Variants in SCAPER observed in about 807,000 individuals in gnomAD.
SCAPER encodes the protein S-phase cyclin A associated protein in the ER, also known as S phase cyclin A-associated protein in the endoplasmic reticulum.
SCAPER carries 98 observed loss-of-function variants against 182.2 expected under a neutral mutation model. The observed-to-expected ratio is 0.54, with a 90% CI of 0.46 to 0.64. The LOEUF is 0.64. Among genes scored for constraint, SCAPER ranks in the 30% least tolerant of loss-of-function variants. The pLI is 0.00. For missense variants in SCAPER, 1,432 were observed against 1,690.0 expected (o/e 0.85, Z 2.68); for synonymous variants, 605 against 564.6 (o/e 1.07, Z -1.01).
rs1272320968 is a variant in SCAPER at position 76,771,757 on chromosome 15, A to G, written c.1233T>C (p.Pro411=). The G allele has an allele frequency of 9.9e-6, 16 of 1,612,546 alleles. No individual in the cohort carries two copies. Among genetic ancestry groups the G allele is most frequent in the Non-Finnish European group, 1.4e-5 (16 of 1,179,114 alleles). The change falls in exon 10 of 32, where the codon CCT becomes CCC. Residue 411 remains proline, a synonymous_variant. Transcript: ENST00000563290. ...EKARIENEMD[P]SDISNSMAEV... is the part of the protein sequence containing the mutation. Reference sequence around the variant, plus strand: ...CAGCACTCACATTTGAAATATCTGAAGGGTCCATTTCATTTTCTATCCTTG... The same window carrying G: ...CAGCACTCACATTTGAAATATCTGAGGGGTCCATTTCATTTTCTATCCTTG...
At position 76,471,283 on chromosome 15, in the gene SCAPER, C is replaced by T; in HGVS notation, c.3007G>A (p.Glu1003Lys). Residue 1003 changes from glutamate (E) to lysine (K), a missense_variant, in exon 25 of 32, where the codon GAA becomes AAA. Glu to Lys is a moderately conservative substitution (Grantham distance 56, BLOSUM62 1). Around this residue, in one of 5 missense-constraint regions of SCAPER, gnomAD observed 718 missense variants for 799.7 expected, o/e 0.90. Coordinates refer to ENST00000563290, the MANE Select transcript of SCAPER (RefSeq NM_020843.4). ...VYNLTCNNCSENCSDVLFSNK... is the reference protein window; with the variant it reads ...VYNLTCNNCSKNCSDVLFSNK... ...CTAAACAGAACATCACTGCAGTTTT[C>T]TGAACAGTTATTGCAGGTGAGGTTG... The T allele has an allele frequency of 6.2e-7, 1 of 1,612,474 alleles. No individual in the cohort carries two copies. Among genetic ancestry groups the T allele is most frequent in the Non-Finnish European group, 8.5e-7 (1 of 1,179,126 alleles).
In SCAPER at chr15:76,677,022, CT is replaced by C. The variant is rs561412153; in HGVS notation, c.2509-11234del. On this transcript the variant is annotated intron_variant, in intron 20 of 31. Transcript: ENST00000563290. Reference sequence around the variant, plus strand: ...TATCTGTTGTATAGACATCACTTATCTTTTTGTATCTATTCTCAAAGCTAAT... The same window carrying C: ...TATCTGTTGTATAGACATCACTTATCTTTTGTATCTATTCTCAAAGCTAAT... Among the ~76,000 whole-genome samples the C allele has an allele frequency of 1.0e-3, 152 of 152,092 alleles. 2 individuals carry two copies. Among genetic ancestry groups the C allele is most frequent in the African/African-American group, 3.6e-3 (149 of 41,518 alleles).
At chr15:76,883,446 C>T (rs937305879) in intron 2 of SCAPER, among the ~76,000 whole-genome samples, 4 of 152,196 alleles carry the variant, frequency 2.6e-5, no homozygotes, top group African/African-American at 9.6e-5. Context: ...CAACTTCTAC[C>T]CTACCTAGCC....
intron 15 of SCAPER, among the ~76,000 whole-genome samples, chr15:76,739,896 G>A (rs2061456873): frequency 6.6e-6 from 1 of 152,238 alleles, no homozygotes; most frequent in African/African-American, 2.4e-5. Context: ...GCCAGGCACA[G>A]CTGCTCACAT....
intron 22 of SCAPER, among the ~76,000 whole-genome samples, chr15:76,612,286 G>A (rs1303449003): frequency 6.6e-6 from 1 of 152,114 alleles, no homozygotes; most frequent in East Asian, 1.9e-4. Context: ...TGCCCAGGCT[G>A]GGGTGCAGTA....
At chr15:76,373,040 C>CTTTT (rs60225060) in intron 29 of SCAPER, among the ~76,000 whole-genome samples, 7 of 148,188 alleles carry the variant, frequency 4.7e-5, no homozygotes, top group African/African-American at 7.5e-5. Context: ...TTTCCTTTTT[C>CTTTT]TTTCTTTCTT....
chr15:76,841,458 C>T (rs575618407), intron 5 of SCAPER, among the ~76,000 whole-genome samples: 1 of 152,200 alleles, frequency 6.6e-6, no homozygotes, highest in African/African-American at 2.4e-5. Flanking sequence ...ACCAGCTTGA[C>T]TAACACAGCA....
intron 5 of SCAPER, among the ~76,000 whole-genome samples, chr15:76,833,705 G>A (rs2068703622): frequency 6.6e-6 from 1 of 152,134 alleles, no homozygotes; most frequent in South Asian, 2.1e-4. Context: ...AAAAACAGGA[G>A]TTGTCGTTAT....
intron 8 of SCAPER, among the ~76,000 whole-genome samples, chr15:76,785,704 A>T (rs1200094866): frequency 6.6e-6 from 1 of 152,228 alleles, no homozygotes; most frequent in Non-Finnish European, 1.5e-5. Context: ...GCCATAAAAA[A>T]GGATGAGTTC....
At chr15:76,607,176 A>G (rs2050500648) in intron 22 of SCAPER, among the ~76,000 whole-genome samples, 1 of 152,142 alleles carries the variant, frequency 6.6e-6, no homozygotes, top group African/African-American at 2.4e-5. Context: ...TTCCATGTTT[A>G]GTGCTTCCTT....
At chr15:76,774,215 C>T (rs1199484329) in intron 9 of SCAPER, among the ~76,000 whole-genome samples, 1 of 151,660 alleles carries the variant, frequency 6.6e-6, no homozygotes, top group Non-Finnish European at 1.5e-5. Context: ...TCACTTTATT[C>T]CTACCAAAAA....
rs1205454121 is a variant in SCAPER, at chr15:76,667,644, A to AC, written c.2509-1856_2509-1855insG. 2.0e-3 allele frequency among the ~76,000 whole-genome samples: 219 copies of AC among 109,468 alleles called. 5 individuals are homozygous for AC. The highest frequency in any genetic ancestry group is 8.9e-3 in the African/African-American group (210 of 23,564). The allele number at this position is 109,468 out of a possible 152,430, so 71.8% of individuals were successfully genotyped here. ...CAGTCTCAAAAAAAAAAAAAAAAAA[A>AC]AAAAAAAAAAAAAAAAAACGCTCCT... On this transcript the variant is annotated intron_variant, in intron 20 of 31. Coordinates refer to ENST00000563290, the MANE Select transcript of SCAPER (RefSeq NM_020843.4).
chr15:76,574,362 A>C (rs2145381119), intron 22 of SCAPER, 78 bp from the exon 23 acceptor site: 2 of 1,490,038 alleles, frequency 1.3e-6, no homozygotes, highest in Non-Finnish European at 1.8e-6. Flanking sequence ...ACTTTGAAAC[A>C]CAAGTTACTT....
chr15:76,790,073 T>TA (rs1260597570), intron 8 of SCAPER, among the ~76,000 whole-genome samples: 2 of 151,566 alleles, frequency 1.3e-5, no homozygotes, highest in East Asian at 3.9e-4. Context: ...CTAAAAAATA[T>TA]AAAAAAAATT....
At chr15:76,499,473 T>C (rs1301368827) in intron 24 of SCAPER, among the ~76,000 whole-genome samples, 1 of 152,230 alleles carries the variant, frequency 6.6e-6, no homozygotes, top group Non-Finnish European at 1.5e-5. Context: ...TGATGCGGTA[T>C]GCCCTTTTAC....
At chr15:76,876,555 C>T (rs1458974122) in intron 2 of SCAPER, among the ~76,000 whole-genome samples, 1 of 151,544 alleles carries the variant, frequency 6.6e-6, no homozygotes, top group East Asian at 1.9e-4. Context: ...TTCAGGAATA[C>T]TAAGCTGATT....
In SCAPER at chr15:76,507,090, T is replaced by C. The variant is rs76746227; in HGVS notation, c.2839-2116A>G. ...CCCCCTCAAAATTCATATGTGGAGG[T>C]CCCAACCCCTAGTATTTCAGAATAT... On this transcript the variant is annotated intron_variant, in intron 23 of 31. Coordinates refer to ENST00000563290, the MANE Select transcript of SCAPER (RefSeq NM_020843.4). Among the ~76,000 whole-genome samples the C allele has an allele frequency of 5.4e-3, 820 of 152,130 alleles. 6 individuals are homozygous for C. The highest frequency in any genetic ancestry group is 0.019 in the African/African-American group (794 of 41,526).
intron 22 of SCAPER, among the ~76,000 whole-genome samples, chr15:76,585,696 C>T (rs1485767823): frequency 6.6e-6 from 1 of 152,078 alleles, no homozygotes; most frequent in Non-Finnish European, 1.5e-5. Context: ...GAAAGAATGC[C>T]AAATCAAGGG....
intron 26 of SCAPER, among the ~76,000 whole-genome samples, chr15:76,418,879 G>T (rs2045829529): frequency 6.6e-6 from 1 of 152,224 alleles, no homozygotes; most frequent in South Asian, 2.1e-4. Flanking sequence ...ACCTGCACAT[G>T]CCTGAACCCA....
Sources: allele counts gnomAD v4.1 joint callset (sites outside exome capture counted in the v4.1 genomes callset), GRCh38; gene constraint gnomAD v4.1.1; regional missense constraint gnomAD v4.1.1; transcripts MANE v1.5; gene names NCBI Gene and HGNC (gene_info 2026-07-23, HGNC 2026-07-21).